Variants in SPIDR observed in about 807,000 individuals in gnomAD.
SPIDR encodes the protein scaffold protein involved in DNA repair.
SPIDR carries 93 observed loss-of-function variants against 104.6 expected under a neutral mutation model. That is an observed-to-expected ratio of 0.89 (90% confidence interval 0.75 to 1.06). The LOEUF (loss-of-function observed/expected upper bound fraction) is 1.06, where lower values mean the gene tolerates loss of function less well. SPIDR is among the 50% of genes least tolerant of loss of function. The pLI is 0.00. For missense variants in SPIDR, 1,154 were observed against 1,111.2 expected, an observed-to-expected ratio of 1.04 and a Z score of -0.55; for synonymous variants, 431 against 416.9, an observed-to-expected ratio of 1.03 and a Z score of -0.41.
chr8:47,663,948 C>T (rs2074506584), intron 10 of SPIDR, among the ~76,000 whole-genome samples: 2 of 152,164 alleles, frequency 1.3e-5, no homozygotes, highest in Non-Finnish European at 2.9e-5. Context: ...AGAAATTGTC[C>T]TAAGGGCATA....
rs1563686773 is a variant in SPIDR at position 47,729,200 on chromosome 8, C to T, written c.2550+153C>T. ...TTGCATCTGGAACTCCCTCTAGGTC[C>T]TAGGAGCTTCCCTAGGAAAGGTGGG... On this transcript the variant is annotated intron_variant, in intron 18 of 19. Coordinates refer to ENST00000297423, the MANE Select transcript of SPIDR (RefSeq NM_001080394.4). 17 of 1,505,014 alleles carry T rather than the reference C, an allele frequency of 1.1e-5. 1 individual carries two copies. Among genetic ancestry groups the T allele is most frequent in the Admixed American group, 2.2e-5 (1 of 45,574 alleles). 93.2% of individuals were successfully genotyped at this position (1,505,014 alleles called of 1,614,324 possible).
chr8:47,452,660 C>T (rs1554706891), intron 8 of SPIDR, among the ~76,000 whole-genome samples: 2 of 152,176 alleles, frequency 1.3e-5, no homozygotes, highest in South Asian at 4.1e-4. Context: ...CAAAATTCAA[C>T]AACCTTCATG....
chr8:47,427,360 T>G (rs1201783303), intron 7 of SPIDR, among the ~76,000 whole-genome samples: 1 of 151,690 alleles, frequency 6.6e-6, no homozygotes. Context: ...CAAAATCAAA[T>G]ATTGTTTTTA....
chr8:47,407,964 A>G lies in SPIDR; in HGVS notation c.877+3A>G, dbSNP rs1554668489. The stretch of plus-strand genomic sequence containing the variant: ...TTCTTACCAAAAGACACTTTCAGGT[A>G]AGGCTTGTGCAGGAATCTGAGACAA... On this transcript the variant is annotated splice_donor_region_variant and intron_variant, in intron 7 of 19. Transcript: ENST00000297423. The G allele has an allele frequency of 1.3e-6, 2 of 1,551,234 alleles. No homozygotes were observed. Among genetic ancestry groups the G allele is most frequent in the Admixed American group, 3.5e-5 (2 of 57,306 alleles).
chr8:47,611,880 T>A (rs1356425052), intron 10 of SPIDR, among the ~76,000 whole-genome samples: 2 of 152,146 alleles, frequency 1.3e-5, no homozygotes, highest in Non-Finnish European at 2.9e-5. Flanking sequence ...AAGGAACTCA[T>A]CATTTGAATT....
At chr8:47,415,911 A>G (rs1355629186) in intron 7 of SPIDR, among the ~76,000 whole-genome samples, 1 of 151,600 alleles carries the variant, frequency 6.6e-6, no homozygotes, top group African/African-American at 2.4e-5. Context: ...TCTCTTTCCC[A>G]CTCTCCTCCC....
chr8:47,347,639 T>G (rs1339386773), intron 5 of SPIDR, among the ~76,000 whole-genome samples: 1 of 152,200 alleles, frequency 6.6e-6, no homozygotes, highest in African/African-American at 2.4e-5. Flanking sequence ...GGTGCTTCTT[T>G]ATTGGGTGCA....
At chr8:47,524,151 A>G (rs2084621791) in intron 8 of SPIDR, among the ~76,000 whole-genome samples, 2 of 152,232 alleles carry the variant, frequency 1.3e-5, no homozygotes, top group South Asian at 2.1e-4. Context: ...TGCTAAAAAA[A>G]TTATTCATTG....
At chr8:47,305,455 T>C (rs1372204905) in intron 5 of SPIDR, among the ~76,000 whole-genome samples, 1 of 152,202 alleles carries the variant, frequency 6.6e-6, no homozygotes, top group African/African-American at 2.4e-5. Flanking sequence ...GAAACAGATA[T>C]TTTGTTTGTA....
chr8:47,593,531 G>T (rs1056343732), intron 8 of SPIDR, among the ~76,000 whole-genome samples: 1 of 152,118 alleles, frequency 6.6e-6, no homozygotes, highest in Non-Finnish European at 1.5e-5. Flanking sequence ...CATTCAAGTT[G>T]AGATTTTTCA....
At chr8:47,723,675 C>T (rs1181648933) in intron 16 of SPIDR, among the ~76,000 whole-genome samples, 1 of 152,184 alleles carries the variant, frequency 6.6e-6, no homozygotes, top group African/African-American at 2.4e-5. Context: ...ACGATCCTCC[C>T]ACCTTGGCCT....
At chr8:47,565,993 T>TATATATATATATATATATA (rs1491137131) in intron 8 of SPIDR, among the ~76,000 whole-genome samples, 94 of 28,726 alleles carry the variant, frequency 3.3e-3, no homozygotes, top group East Asian at 5.8e-3. Flanking sequence ...TATATATATA[T>TATATATATATATATATATA]TTTTTTTTTT....
intron 8 of SPIDR, among the ~76,000 whole-genome samples, chr8:47,590,288 TTAATGTA>T: frequency 6.6e-6 from 1 of 152,352 alleles, no homozygotes; most frequent in South Asian, 2.1e-4. Flanking sequence ...TTTTTCTTTT[TTAATGTA>T]AGCTTTAAGT....
At position 47,363,182 on chromosome 8, in the gene SPIDR, T is replaced by C. The variant is rs2056436060; in HGVS notation, c.526-33194T>C. On this transcript the variant is annotated intron_variant, in intron 5 of 19. Coordinates refer to ENST00000297423, the MANE Select transcript of SPIDR (RefSeq NM_001080394.4). ...TTAAAAGGTATAGAAATTAAAGCTGTTTTTTTCTTTATCTCTCTTTTTTTT... is the reference window on the plus strand; with the variant it reads ...TTAAAAGGTATAGAAATTAAAGCTGCTTTTTTCTTTATCTCTCTTTTTTTT... Among the ~76,000 whole-genome samples, 3 of 150,998 alleles carry C rather than the reference T, an allele frequency of 2.0e-5. No homozygotes were observed. The South Asian group carries it at 6.3e-4, about 32-fold the overall frequency.
Position 47,475,807 on chromosome 8 carries a change from C to T in SPIDR, c.1097+35265C>T, listed in dbSNP as rs569811015. Among the ~76,000 whole-genome samples, 8 of 152,170 alleles carry T rather than the reference C, an allele frequency of 5.3e-5. 1 individual carries two copies. The highest frequency in any genetic ancestry group is 2.1e-4 in the South Asian group (1 of 4,816). On this transcript the variant is annotated intron_variant, in intron 8 of 19. Transcript: ENST00000297423. ...TCTTTATCTAAACCAATACAGTATCCGCCCCCCGCACCCCTTTTTGTAAAG... is the reference window on the plus strand; with the variant it reads ...TCTTTATCTAAACCAATACAGTATCTGCCCCCCGCACCCCTTTTTGTAAAG...
intron 19 of SPIDR, among the ~76,000 whole-genome samples, chr8:47,734,472 G>A (rs1272579430): frequency 1.3e-5 from 2 of 152,254 alleles, no homozygotes; most frequent in South Asian, 4.2e-4. Context: ...ACACCATAAC[G>A]ATGGGAGGGG....
chr8:47,713,036 C>A, intron 15 of SPIDR, 164 bp downstream of exon 15: 1 of 1,388,966 alleles, frequency 7.2e-7, no homozygotes, highest in Non-Finnish European at 9.3e-7. Context: ...CTTCACTGAC[C>A]CTGTAGCAGC....
chr8:47,666,805 CAAA>C (rs2074994528), intron 10 of SPIDR, among the ~76,000 whole-genome samples: 1 of 151,998 alleles, frequency 6.6e-6, no homozygotes, highest in Non-Finnish European at 1.5e-5. Context: ...GAGTTAATAA[CAAA>C]AACATATATT....
chr8:47,632,296 A>T (rs1446361949), intron 10 of SPIDR, among the ~76,000 whole-genome samples: 2 of 152,234 alleles, frequency 1.3e-5, no homozygotes, highest in Non-Finnish European at 2.9e-5. Flanking sequence ...TTGAGAGTTA[A>T]CACATGGTAC....
Sources: gnomAD v4.1 joint callset for allele counts (sites outside exome capture counted in the v4.1 genomes callset) on GRCh38, gnomAD v4.1.1 for gene constraint, MANE v1.5 for transcripts, NCBI Gene and HGNC (gene_info 2026-07-23, HGNC 2026-07-21) for gene names.